GLB1L: variants seen among roughly 807,000 people sequenced by gnomAD.
The protein encoded by GLB1L is galactosidase beta 1 like.
GLB1L carries 58 observed loss-of-function variants against 75.7 expected under a neutral mutation model. The observed-to-expected ratio is 0.77, with a 90% CI of 0.62 to 0.95. The LOEUF (loss-of-function observed/expected upper bound fraction) is 0.95, where lower values mean the gene tolerates loss of function less well. GLB1L is among the 40% of genes least tolerant of loss of function. GLB1L has a pLI of 0.00. For missense variants in GLB1L, 797 were observed against 805.5 expected, an observed-to-expected ratio of 0.99 and a Z score of 0.13; for synonymous variants, 296 against 303.0, an observed-to-expected ratio of 0.98 and a Z score of 0.24.
At chr2:219,238,123 C>T (rs1574862161) in intron 14 of GLB1L, 127 bp downstream of exon 14, 1 of 1,044,580 alleles carries the variant, frequency 9.6e-7, no homozygotes, top group East Asian at 2.4e-5. Context: ...CTCATCCCAG[C>T]TTATCCCTGG....
Position 219,236,872 on chromosome 2 carries a change from C to A in GLB1L, c.*200G>T. 2.3e-6 allele frequency: 1 copy of A among 434,704 alleles called. No homozygotes were observed. Among genetic ancestry groups the A allele is most frequent in the Non-Finnish European group, 4.2e-6 (1 of 240,384 alleles). 26.9% of individuals were successfully genotyped at this position (434,704 alleles called of 1,614,324 possible). ...CTCTGCCTCCTGGATTCAAGCAATT[C>A]TCCTGCCCTCAGCCTCCCAAGTAGC... On this transcript the variant is annotated 3_prime_UTR_variant, in exon 17 of 17. Transcript: ENST00000295759.
chr2:219,237,041 C>T lies in GLB1L; in HGVS notation c.*31G>A, dbSNP rs1277911122. 4 of 1,543,572 alleles carry T rather than the reference C, an allele frequency of 2.6e-6. No individual in the cohort carries two copies. The highest frequency in any genetic ancestry group is 2.7e-6 in the Non-Finnish European group (3 of 1,125,310). On this transcript the variant is annotated 3_prime_UTR_variant, in exon 17 of 17. Coordinates refer to ENST00000295759, the MANE Select transcript of GLB1L (RefSeq NM_001286423.2). The stretch of plus-strand genomic sequence containing the variant: ...TCAGCCTCCCAAAGTGCTGGGATTA[C>T]AGGCATGAGCCACCATGCCCGGCCT...
At chr2:219,244,350 A>G (rs1951476334) in intron 1 of GLB1L, among the ~76,000 whole-genome samples, 1 of 152,100 alleles carries the variant, frequency 6.6e-6, no homozygotes, top group African/African-American at 2.4e-5. Flanking sequence ...AGGGCCGGGT[A>G]TATAGTAGGT....
chr2:219,236,759 A>AATTT lies in GLB1L; in HGVS notation c.*312_*313insAAAT. The AATTT allele has an allele frequency of 4.2e-6, 1 of 238,510 alleles. No individual in the cohort carries two copies. The highest frequency in any genetic ancestry group is 7.0e-6 in the Non-Finnish European group (1 of 142,106). 14.8% of individuals were successfully genotyped at this position (238,510 alleles called of 1,614,324 possible). ...ACTCCATGTCCCAGGTCCAAGGGTT[A>AATTT]CTTTTTTTTTTTTTTTTTTTTTTGA... On this transcript the variant is annotated 3_prime_UTR_variant, in exon 17 of 17. Coordinates refer to ENST00000295759, the MANE Select transcript of GLB1L (RefSeq NM_001286423.2).
intron 5 of GLB1L, among the ~76,000 whole-genome samples, chr2:219,241,475 T>C (rs1206027220): frequency 1.5e-5 from 2 of 137,292 alleles, no homozygotes; most frequent in Non-Finnish European, 1.6e-5. Flanking sequence ...TACATACATA[T>C]ATATGTATGT....
chr2:219,243,194 C>T lies in GLB1L; in HGVS notation c.193G>A (p.Asp65Asn). Residue 65 changes from aspartate to asparagine, a missense_variant, in exon 3 of 17, where the codon GAC (aspartate) becomes AAC (asparagine). Physicochemically the swap from Asp to Asn is conservative, Grantham distance 23. Transcript: ENST00000295759. ...CTCCATCGCATCTTCAAAAGCCGGTCGGCCCAAAGCACCCGCGGTACCCGA... is the reference window on the plus strand; with the variant it reads ...CTCCATCGCATCTTCAAAAGCCGGTTGGCCCAAAGCACCCGCGGTACCCGA... Reference protein sequence around the residue: ...YFRVPRVLWADRLLKMRWSGL... With the variant: ...YFRVPRVLWANRLLKMRWSGL... 6.2e-7 allele frequency: 1 copy of T among 1,613,818 alleles called. No individual in the cohort carries two copies. Among genetic ancestry groups the T allele is most frequent in the Non-Finnish European group, 8.5e-7 (1 of 1,179,852 alleles).
At chr2:219,237,774 C>G (rs1370401653) in intron 15 of GLB1L, 47 bp from the exon 16 acceptor site, 1 of 1,612,772 alleles carries the variant, frequency 6.2e-7, no homozygotes, top group South Asian at 1.1e-5. Flanking sequence ...AGCTTTGAAG[C>G]TAAGTTATCC....
At chr2:219,244,705 G>A (rs1029499221) in intron 1 of GLB1L, among the ~76,000 whole-genome samples, 1 of 152,116 alleles carries the variant, frequency 6.6e-6, no homozygotes, top group African/African-American at 2.4e-5. Flanking sequence ...TAATAATTAC[G>A]GTTTATTGAC....
chr2:219,245,391 C>T lies in GLB1L; in HGVS notation c.-233G>A, dbSNP rs1263562196. Reference sequence around the variant, plus strand: ...CCCCTACACCTAGCTAGCCCGGAGCCTCTCAGCTCCGCGTCCCCACATCCT... The same window carrying T: ...CCCCTACACCTAGCTAGCCCGGAGCTTCTCAGCTCCGCGTCCCCACATCCT... On this transcript the variant is annotated 5_prime_UTR_variant, in exon 1 of 17. Transcript: ENST00000295759. 1.3e-5 allele frequency: 2 copies of T among 152,506 alleles called. No individual in the cohort carries two copies. The highest frequency in any genetic ancestry group is 2.4e-5 in the African/African-American group (1 of 41,476). The allele number at this position is 152,506 out of a possible 1,614,324, so 9.4% of individuals were successfully genotyped here. A position where few individuals can be genotyped will look rare whatever the true frequency, so the allele number is the denominator to read the frequency against.
chr2:219,239,438 C>T lies in GLB1L; in HGVS notation c.916G>A (p.Gly306Arg), dbSNP rs1442763675. ...GASVNMYMFH[G>R]GTNFGYWNGA... Reference sequence around the variant, plus strand: ...TTCCAATATCCAAAGTTGGTACCTCCATGGAACATGTACCTGAAGTGAGAG... The same window carrying T: ...TTCCAATATCCAAAGTTGGTACCTCTATGGAACATGTACCTGAAGTGAGAG... The change falls in exon 10 of 17, where the codon GGA becomes AGA. Residue 306 changes from glycine (G) to arginine (R), a missense_variant. Physicochemically the swap from Gly to Arg is moderately radical, Grantham distance 125. Transcript: ENST00000295759. 1 of 1,606,380 alleles carries T rather than the reference C, an allele frequency of 6.2e-7. No homozygotes were observed. The highest frequency in any genetic ancestry group is 8.5e-7 in the Non-Finnish European group (1 of 1,175,618).
chr2:219,237,401 G>A (rs1180353175), intron 16 of GLB1L, 54 bp from the exon 17 acceptor site: 32 of 1,600,194 alleles, frequency 2.0e-5, no homozygotes, highest in Non-Finnish European at 2.7e-5. Flanking sequence ...CTCTCCAGGG[G>A]TAGAATCATA....
intron 12 of GLB1L, 32 bp from the exon 13 acceptor site, chr2:219,238,616 C>A: frequency 6.2e-7 from 1 of 1,604,522 alleles, no homozygotes; most frequent in South Asian, 1.1e-5. Context: ...ATTAGAATAT[C>A]AGGGAAGTTT....
At position 219,238,554 on chromosome 2, in the gene GLB1L, G is replaced by A; in HGVS notation, c.1168C>T (p.Leu390Phe). 6.2e-7 allele frequency: 1 copy of A among 1,614,080 alleles called. No homozygotes were observed. Among genetic ancestry groups the A allele is most frequent in the Non-Finnish European group, 8.5e-7 (1 of 1,179,976 alleles). ...VGHLLAFLDL[L>F]CPRGPIHSIL... Reference sequence around the variant, plus strand: ...GAATGAATGGGCCCACGGGGGCAAAGCAAGTCTAGGAAAGCCAGTAAATGC... The same window carrying A: ...GAATGAATGGGCCCACGGGGGCAAAACAAGTCTAGGAAAGCCAGTAAATGC... The change falls in exon 13 of 17, where the codon CTT becomes TTT. Residue 390 changes from leucine to phenylalanine, a missense_variant. Physicochemically the swap from Leu to Phe is conservative, Grantham distance 22 (BLOSUM62 0). Transcript: ENST00000295759.
intron 5 of GLB1L, among the ~76,000 whole-genome samples, chr2:219,241,410 ATATG>A (rs1319597791): frequency 4.4e-5 from 3 of 68,038 alleles, no homozygotes; most frequent in African/African-American, 1.4e-4. Flanking sequence ...TAATATATAT[ATATG>A]TGTGTGTGTG....
intron 5 of GLB1L, among the ~76,000 whole-genome samples, chr2:219,241,463 T>TATATATATATAC (rs1202119681): frequency 2.9e-5 from 4 of 137,576 alleles, no homozygotes; most frequent in East Asian, 2.1e-4. Context: ...TATATATATA[T>TATATATATATAC]ATACATACAT....
In GLB1L at chr2:219,237,594, GA is replaced by G; in HGVS notation, c.1606del (p.Ser536LeufsTer13). The part of the protein sequence containing the change: ...LPKWPYPQAP[S>X]GPTFYSKTFP... ...TGTTTTGGAGTAGAATGTGGGGCCAGAAGGAGCTTGAGGATATGGCCATTTT... is the reference window on the plus strand; with the variant it reads ...TGTTTTGGAGTAGAATGTGGGGCCAGAGGAGCTTGAGGATATGGCCATTTT... On this transcript the variant is annotated frameshift_variant, in exon 16 of 17. Transcript: ENST00000295759. LOFTEE classifies it high-confidence loss of function. 6.2e-7 allele frequency: 1 copy of G among 1,614,210 alleles called. No homozygotes were observed. Among genetic ancestry groups the G allele is most frequent in the Non-Finnish European group, 8.5e-7 (1 of 1,180,028 alleles).
chr2:219,238,187 A>T, intron 14 of GLB1L, 63 bp downstream of exon 14: 1 of 1,249,624 alleles, frequency 8.0e-7, no homozygotes, highest in Non-Finnish European at 1.1e-6. Context: ...TGGGGAACTT[A>T]AGGCTAACGC....
In GLB1L at chr2:219,239,791, T is replaced by C; in HGVS notation, c.764A>G (p.Glu255Gly). The change falls in exon 8 of 17, where the codon GAA becomes GGA. Residue 255 changes from glutamate to glycine, a missense_variant. By Grantham distance (98) the Glu-to-Gly change is moderately conservative. Transcript: ENST00000295759. ...GCCCCTCACCAATGGCCCATGGGGT[T>C]CATACTTCCGAAGCAGGGTAAAGAT... is the stretch of plus-strand genomic sequence containing the variant. Reference protein sequence around the residue: ...TKIFTLLRKYEPHGPLVNSEY... With the variant: ...TKIFTLLRKYGPHGPLVNSEY... 6.2e-7 allele frequency: 1 copy of C among 1,614,212 alleles called. No individual in the cohort carries two copies. The highest frequency in any genetic ancestry group is 8.5e-7 in the Non-Finnish European group (1 of 1,180,040).
At chr2:219,243,386 G>T (rs1044421371) in intron 2 of GLB1L, 72 bp from the exon 3 acceptor site, 1 of 1,588,004 alleles carries the variant, frequency 6.3e-7, no homozygotes, top group Non-Finnish European at 8.6e-7. Context: ...TGCCAAGAGC[G>T]GAAGAGATGG....
Sources: allele counts gnomAD v4.1 joint callset (sites outside exome capture counted in the v4.1 genomes callset), GRCh38; gene constraint gnomAD v4.1.1; transcripts MANE v1.5; gene names NCBI Gene and HGNC (gene_info 2026-07-23, HGNC 2026-07-21).